The following BLM variants were observed in gnomAD, a reference collection of about 807,000 sequenced individuals.
BLM encodes recQ-like DNA helicase BLM.
A neutral mutation model predicts 135.3 loss-of-function variants in BLM; 95 were observed. That is an observed-to-expected ratio of 0.70 (90% confidence interval 0.59 to 0.83). BLM has a LOEUF of 0.83. Among genes scored for constraint, BLM ranks in the 40% least tolerant of loss-of-function variants. The probability of loss-of-function intolerance (pLI) is 0.00; values close to 1 mark genes in which losing one functional copy is unlikely to be tolerated. For missense variants in BLM, 1,518 were observed against 1,663.9 expected (o/e 0.91, Z 1.53); for synonymous variants, 520 against 589.2 (o/e 0.88, Z 1.70).
At chr15:90,773,674 T>C (rs971617421) in intron 12 of BLM, among the ~76,000 whole-genome samples, 5 of 152,160 alleles carry the variant, frequency 3.3e-5, no homozygotes, top group African/African-American at 4.8e-5. Flanking sequence ...TCATCTACTT[T>C]CTGTCTCTGT....
In BLM at chr15:90,791,232, A is replaced by G. The variant is rs1329276280; in HGVS notation, c.3019+388A>G. Among the ~76,000 whole-genome samples, 4 of 152,188 alleles carry G rather than the reference A, an allele frequency of 2.6e-5. No homozygotes were observed. In the East Asian group the frequency reaches 5.8e-4, roughly 22 times the overall value. On this transcript the variant is annotated intron_variant, in intron 15 of 21. Transcript: ENST00000355112. The stretch of plus-strand genomic sequence containing the variant: ...AAATAATGAGCTGTCATATACTACC[A>G]TCTGGATTAAGAAATAAAACACAAT...
chr15:90,804,637 T>A (rs394748), intron 19 of BLM, among the ~76,000 whole-genome samples: 1 of 152,046 alleles, frequency 6.6e-6, no homozygotes, highest in African/African-American at 2.4e-5. Context: ...CTAATTTTTG[T>A]ATTTTTTCGT....
At chr15:90,721,621 C>G (rs1443173461) in intron 1 of BLM, among the ~76,000 whole-genome samples, 1 of 151,720 alleles carries the variant, frequency 6.6e-6, no homozygotes, top group Non-Finnish European at 1.5e-5. Flanking sequence ...CTGCATCCAG[C>G]CTAATTTTTC....
At chr15:90,742,700 T>C (rs985432435) in intron 1 of BLM, among the ~76,000 whole-genome samples, 6 of 152,006 alleles carry the variant, frequency 3.9e-5, no homozygotes, top group Admixed American at 3.9e-4. Context: ...AGTGGGGTGA[T>C]CATGGCTCAC....
At chr15:90,763,824 T>C (rs536351513) in intron 8 of BLM, among the ~76,000 whole-genome samples, 1 of 152,352 alleles carries the variant, frequency 6.6e-6, no homozygotes, top group South Asian at 2.1e-4. Flanking sequence ...GTCATTCACA[T>C]GAGAATATTA....
At chr15:90,806,239 C>T (rs955333057) in intron 19 of BLM, among the ~76,000 whole-genome samples, 15 of 151,790 alleles carry the variant, frequency 9.9e-5, no homozygotes, top group Admixed American at 2.6e-4. Context: ...GGCTGGGGGC[C>T]GTGGCTCACG....
chr15:90,742,727 C>T lies in BLM; in HGVS notation c.-4-4662C>T, dbSNP rs142491590. Reference sequence around the variant, plus strand: ...ATGGCTCACTGAAACCTCGACCTCCCGGGCTCAAATGATCCTTCCCACCTC... The same window carrying T: ...ATGGCTCACTGAAACCTCGACCTCCTGGGCTCAAATGATCCTTCCCACCTC... On this transcript the variant is annotated intron_variant, in intron 1 of 21. Transcript: ENST00000355112. Among the ~76,000 whole-genome samples the T allele has an allele frequency of 5.1e-3, 776 of 152,026 alleles. 2 individuals are homozygous for T. Among genetic ancestry groups the T allele is most frequent in the African/African-American group, 0.018 (744 of 41,444 alleles).
intron 2 of BLM, 81 bp downstream of exon 2, chr15:90,747,571 C>A: frequency 1.1e-6 from 1 of 877,872 alleles, no homozygotes; most frequent in Non-Finnish European, 1.9e-6. Flanking sequence ...CTTTAAACTC[C>A]CCCATTGTAC....
chr15:90,807,878 G>C (rs1244706017), intron 19 of BLM, among the ~76,000 whole-genome samples: 1 of 152,188 alleles, frequency 6.6e-6, no homozygotes, highest in Non-Finnish European at 1.5e-5. Flanking sequence ...CATGCTGACA[G>C]TACTAATAGC....
At chr15:90,779,113 C>G (rs1268595175) in intron 12 of BLM, among the ~76,000 whole-genome samples, 1 of 152,092 alleles carries the variant, frequency 6.6e-6, no homozygotes, top group Non-Finnish European at 1.5e-5. Context: ...TCTTGAACTC[C>G]TGACCTCATG....
rs759545027 is a variant in BLM at position 90,769,520 on chromosome 15, C to T, written c.2489C>T (p.Thr830Met). 4.3e-6 allele frequency: 7 copies of T among 1,613,698 alleles called. No individual in the cohort carries two copies. In the East Asian group the frequency reaches 6.7e-5, roughly 15 times the overall value. Residue 830 changes from threonine to methionine, a missense_variant, in exon 12 of 22, where the codon ACG (threonine) becomes ATG (methionine). Physicochemically the swap from Thr to Met is moderately conservative, Grantham distance 81. This residue lies in a region of BLM where 626 missense variants were observed against 681.1 expected (regional missense o/e 0.92). Transcript: ENST00000355112. ...CCTTCTGTTCCGGTGATGGCTCTTACGGCCACAGCTAATCCCAGGGTACAG... is the reference window on the plus strand; with the variant it reads ...CCTTCTGTTCCGGTGATGGCTCTTATGGCCACAGCTAATCCCAGGGTACAG... ...KFPSVPVMAL[T>M]ATANPRVQKD...
At chr15:90,785,360 CTCTA>C (rs1445867987) in intron 14 of BLM, among the ~76,000 whole-genome samples, 4 of 152,046 alleles carry the variant, frequency 2.6e-5, no homozygotes, top group Non-Finnish European at 4.4e-5. Flanking sequence ...CAATAATCAT[CTCTA>C]TCTAATTCCA....
At chr15:90,771,303 G>A (rs1035477709) in intron 12 of BLM, among the ~76,000 whole-genome samples, 16 of 152,022 alleles carry the variant, frequency 1.1e-4, no homozygotes, top group African/African-American at 3.6e-4. Flanking sequence ...CCTGGCCAAC[G>A]TGGCGATACC....
chr15:90,720,461 G>A (rs1894735288), intron 1 of BLM, among the ~76,000 whole-genome samples: 1 of 152,074 alleles, frequency 6.6e-6, no homozygotes, highest in South Asian at 2.1e-4. Context: ...TCAAACACTT[G>A]AACTATTTTT....
At chr15:90,787,036 CTTTTTTTTTTTTTTTTT>C (rs11366266) in intron 14 of BLM, among the ~76,000 whole-genome samples, 1 of 57,992 alleles carries the variant, frequency 1.7e-5, no homozygotes, top group South Asian at 6.1e-4. Flanking sequence ...TTAGGCATCT[CTTTTTTTTTTTTTTTTT>C]TTTTTTTTTT....
At chr15:90,740,808 C>T (rs1895344740) in intron 1 of BLM, among the ~76,000 whole-genome samples, 1 of 152,218 alleles carries the variant, frequency 6.6e-6, no homozygotes, top group Non-Finnish European at 1.5e-5. Flanking sequence ...TTCCCCTGCA[C>T]ACACTTTCTT....
intron 1 of BLM, among the ~76,000 whole-genome samples, chr15:90,744,389 T>C (rs1001068837): frequency 1.3e-5 from 2 of 152,178 alleles, no homozygotes; most frequent in African/African-American, 4.8e-5. Context: ...TTATTTATTT[T>C]TTGAGACAGA....
chr15:90,737,880 G>A (rs62025089), intron 1 of BLM, among the ~76,000 whole-genome samples: 5,792 of 152,112 alleles, frequency 0.038, 187 homozygotes, highest in Non-Finnish European at 0.052. Context: ...AAACAGAATT[G>A]ATTCTTTGAA....
intron 4 of BLM, among the ~76,000 whole-genome samples, chr15:90,752,988 G>A (rs1022615484): frequency 6.6e-6 from 1 of 152,162 alleles, no homozygotes; most frequent in Non-Finnish European, 1.5e-5. Context: ...ATTCCTTGTT[G>A]AATGCCTGGC....
Sources: gnomAD v4.1 joint callset for allele counts (sites outside exome capture counted in the v4.1 genomes callset) on GRCh38, gnomAD v4.1.1 for gene constraint, gnomAD v4.1.1 regional missense constraint, MANE v1.5 for transcripts, NCBI Gene and HGNC (gene_info 2026-07-23, HGNC 2026-07-21) for gene names.